NRG3: variants seen among roughly 807,000 people sequenced by gnomAD.
NRG3 encodes pro-neuregulin-3, membrane-bound isoform.
Under a neutral mutation model 66.9 loss-of-function variants are expected in NRG3, and 31 were observed. The observed-to-expected ratio is 0.46, with a 90% confidence interval of 0.35 to 0.63. NRG3 has a LOEUF of 0.63. NRG3 is among the 20% of genes least tolerant of loss of function. The pLI, the probability that NRG3 is intolerant of heterozygous loss-of-function variation, is 0.00. For synonymous variants in NRG3, 393 were observed against 359.4 expected (o/e 1.09, Z -1.06); for missense variants, 910 against 878.9 (o/e 1.04, Z -0.45).
chr10:82,083,595 AT>A (rs35927277), intron 1 of NRG3, among the ~76,000 whole-genome samples: 71,833 of 115,312 alleles, frequency 0.62, 20,825 homozygotes, highest in Middle Eastern at 0.74. Context: ...CCATTTGTTA[AT>A]TTTTTTTTTT....
chr10:82,271,391 C>T (rs936985068), intron 1 of NRG3, among the ~76,000 whole-genome samples: 4 of 151,980 alleles, frequency 2.6e-5, no homozygotes, highest in East Asian at 1.9e-4. Flanking sequence ...CCTATCAGGG[C>T]GATTGCAAAA....
At chr10:81,931,328 A>C (rs10883938) in intron 1 of NRG3, among the ~76,000 whole-genome samples, 44,769 of 152,012 alleles carry the variant, frequency 0.29, 7,201 homozygotes, top group East Asian at 0.56. Flanking sequence ...ATTACCTGGG[A>C]AATTCCAAGG....
chr10:82,575,824 C>T (rs904629137), intron 2 of NRG3, among the ~76,000 whole-genome samples: 10 of 151,704 alleles, frequency 6.6e-5, no homozygotes, highest in African/African-American at 2.4e-4. Context: ...AGTATTTCTC[C>T]TTTCCCATTA....
intron 1 of NRG3, among the ~76,000 whole-genome samples, chr10:82,229,668 G>A (rs189215658): frequency 1.5e-3 from 223 of 151,462 alleles, no homozygotes; most frequent in African/African-American, 4.9e-3. Context: ...GCAGGGAAAA[G>A]CCCCTTATAA....
chr10:82,690,607 C>T (rs2134197757), intron 2 of NRG3, among the ~76,000 whole-genome samples: 1 of 152,210 alleles, frequency 6.6e-6, no homozygotes, highest in South Asian at 2.1e-4. Flanking sequence ...GGTATAAAAA[C>T]AGAAAATGCA....
intron 2 of NRG3, among the ~76,000 whole-genome samples, chr10:82,668,066 C>T (rs1259172088): frequency 6.6e-6 from 1 of 152,130 alleles, no homozygotes; most frequent in Non-Finnish European, 1.5e-5. Context: ...TTCCTCCCTC[C>T]CTCCCTTATT....
chr10:82,684,404 C>T (rs1048755836), intron 2 of NRG3, among the ~76,000 whole-genome samples: 32 of 152,120 alleles, frequency 2.1e-4, no homozygotes, highest in Non-Finnish European at 4.3e-4. Flanking sequence ...AAGGCAAATA[C>T]GTATAATGCT....
chr10:82,281,025 T>A (rs7099049), intron 1 of NRG3, among the ~76,000 whole-genome samples: 69,426 of 152,058 alleles, frequency 0.46, 18,662 homozygotes, highest in African/African-American at 0.75. Flanking sequence ...GTTCTATCTT[T>A]TGTGCAAAAT....
At chr10:82,522,564 A>C (rs1270148309) in intron 2 of NRG3, among the ~76,000 whole-genome samples, 1 of 152,194 alleles carries the variant, frequency 6.6e-6, no homozygotes, top group African/African-American at 2.4e-5. Flanking sequence ...GGTGACATGG[A>C]AAAAGGAAGT....
intron 1 of NRG3, among the ~76,000 whole-genome samples, chr10:82,067,863 A>G (rs1246045353): frequency 2.6e-5 from 4 of 152,222 alleles, no homozygotes; most frequent in Admixed American, 1.3e-4. Flanking sequence ...CACTTGACAT[A>G]TGGCATGGCC....
chr10:82,647,955 G>T (rs2051088586), intron 2 of NRG3, among the ~76,000 whole-genome samples: 1 of 147,030 alleles, frequency 6.8e-6, no homozygotes, highest in South Asian at 2.3e-4. Context: ...TTTGTAGGTT[G>T]CCTGTTCACT....
At chr10:82,953,510 T>C (rs1849727597) in intron 5 of NRG3, among the ~76,000 whole-genome samples, 1 of 151,934 alleles carries the variant, frequency 6.6e-6, no homozygotes, top group South Asian at 2.1e-4. Flanking sequence ...TCTGGCATAA[T>C]GGTCAGGGTT....
At chr10:82,795,494 T>A (rs1476876920) in intron 3 of NRG3, among the ~76,000 whole-genome samples, 2 of 152,216 alleles carry the variant, frequency 1.3e-5, no homozygotes, top group Non-Finnish European at 2.9e-5. Flanking sequence ...TTAAAAAATG[T>A]TAATGTCTTC....
intron 1 of NRG3, among the ~76,000 whole-genome samples, chr10:82,140,337 G>A (rs929920094): frequency 6.6e-6 from 1 of 152,054 alleles, no homozygotes. Flanking sequence ...CAACTCCAGG[G>A]CAGAGGATCC....
chr10:81,911,603 G>GGTTTTT (rs1306854861), intron 1 of NRG3, among the ~76,000 whole-genome samples: 3 of 77,964 alleles, frequency 3.8e-5, no homozygotes, highest in African/African-American at 4.5e-5. Flanking sequence ...GCACAGACTT[G>GGTTTTT]TTTTTTTTTT....
At chr10:82,623,792 G>A (rs1183148736) in intron 2 of NRG3, among the ~76,000 whole-genome samples, 1 of 152,018 alleles carries the variant, frequency 6.6e-6, no homozygotes, top group Non-Finnish European at 1.5e-5. Flanking sequence ...TTTGACATGG[G>A]CAAAAACAAA....
intron 2 of NRG3, among the ~76,000 whole-genome samples, chr10:82,678,115 G>A (rs2053849648): frequency 6.6e-6 from 1 of 152,174 alleles, no homozygotes; most frequent in African/African-American, 2.4e-5. Context: ...CATAACTCCT[G>A]AGATCTTATC....
intron 1 of NRG3, among the ~76,000 whole-genome samples, chr10:82,218,889 A>G (rs1282422760): frequency 6.6e-6 from 1 of 152,156 alleles, no homozygotes; most frequent in East Asian, 1.9e-4. Flanking sequence ...AGCTGATTGC[A>G]TCTAGGGAAG....
chr10:82,540,490 G>A (rs139761761), intron 2 of NRG3, among the ~76,000 whole-genome samples: 85 of 152,148 alleles, frequency 5.6e-4, no homozygotes, highest in African/African-American at 1.8e-3. Flanking sequence ...AAAGATGTGA[G>A]TGGGGATGTG....
Sources: allele counts gnomAD v4.1 joint callset (sites outside exome capture counted in the v4.1 genomes callset), GRCh38; gene constraint gnomAD v4.1.1; transcripts MANE v1.5; gene names NCBI Gene and HGNC (gene_info 2026-07-23, HGNC 2026-07-21).